The following DLGAP2 variants were observed in gnomAD, a reference collection of about 807,000 sequenced individuals.
DLGAP2 encodes DLG associated protein 2, also known as disks large-associated protein 2.
Under a neutral mutation model 100.3 loss-of-function variants are expected in DLGAP2, and 26 were observed. That is an observed-to-expected ratio of 0.26 (90% CI 0.19 to 0.36). DLGAP2 has a LOEUF of 0.36. Ranked by LOEUF, DLGAP2 falls within the 10% of genes least tolerant of loss-of-function variation. The pLI is 1.00. For synonymous variants in DLGAP2, 886 were observed against 630.1 expected, an observed-to-expected ratio of 1.41 and a Z score of -6.08; for missense variants, 1,858 against 1,453.2, an observed-to-expected ratio of 1.28 and a Z score of -4.53.
At chr8:1,123,581 T>A (rs543370767) in intron 2 of DLGAP2, among the ~76,000 whole-genome samples, 5 of 152,212 alleles carry the variant, frequency 3.3e-5, no homozygotes, top group Non-Finnish European at 7.3e-5. Flanking sequence ...AAGTGATACA[T>A]TATAAACCTG....
intron 5 of DLGAP2, 21 bp downstream of exon 5, chr8:1,549,704 G>A (rs1196705915): frequency 6.6e-7 from 1 of 1,520,386 alleles, no homozygotes; most frequent in Non-Finnish European, 8.8e-7. Flanking sequence ...TCACGGCCCT[G>A]TGGAGGCCGT....
At chr8:893,409 C>T (rs1390865930) in intron 1 of DLGAP2, among the ~76,000 whole-genome samples, 2 of 152,208 alleles carry the variant, frequency 1.3e-5, no homozygotes, top group South Asian at 2.1e-4. Context: ...ACTTACGTGT[C>T]GTATCTAATT....
At chr8:1,495,125 G>A (rs1799506124) in intron 3 of DLGAP2, among the ~76,000 whole-genome samples, 1 of 152,226 alleles carries the variant, frequency 6.6e-6, no homozygotes, top group South Asian at 2.1e-4. Context: ...TCCCTGCCAA[G>A]ATCAGACGGG....
intron 3 of DLGAP2, among the ~76,000 whole-genome samples, chr8:1,325,935 C>T (rs549140657): frequency 6.6e-6 from 1 of 152,266 alleles, no homozygotes; most frequent in African/African-American, 2.4e-5. Flanking sequence ...CAGGTCTAAT[C>T]ATTATCTTCC....
chr8:1,468,416 G>A (rs1798688455), intron 3 of DLGAP2, among the ~76,000 whole-genome samples: 1 of 151,508 alleles, frequency 6.6e-6, no homozygotes, highest in Non-Finnish European at 1.5e-5. Context: ...GTGGATCCGG[G>A]CTGGTCCTGA....
chr8:1,558,841 CCATATACCTGCACACACACATACA>C (rs1802063958), intron 5 of DLGAP2, among the ~76,000 whole-genome samples: 1 of 139,602 alleles, frequency 7.2e-6, no homozygotes, highest in Non-Finnish European at 1.6e-5. Flanking sequence ...GCATGCACAC[CCATATACCTGCACACACACATACA>C]CATATACGTA....
intron 3 of DLGAP2, among the ~76,000 whole-genome samples, chr8:1,412,557 C>G (rs190812590): frequency 6.6e-6 from 1 of 152,232 alleles, no homozygotes; most frequent in Non-Finnish European, 1.5e-5. Context: ...TAAGCCCCAG[C>G]CATTCCAGCT....
chr8:1,171,345 A>G (rs1797123926), intron 2 of DLGAP2, among the ~76,000 whole-genome samples: 1 of 152,206 alleles, frequency 6.6e-6, no homozygotes, highest in African/African-American at 2.4e-5. Flanking sequence ...GGTGCTGAAA[A>G]AAATGTATAT....
At chr8:919,416 G>C (rs1250784553) in intron 2 of DLGAP2, among the ~76,000 whole-genome samples, 3 of 152,158 alleles carry the variant, frequency 2.0e-5, no homozygotes, top group Non-Finnish European at 4.4e-5. Flanking sequence ...CAGCGTGAGT[G>C]GGGAAGGGAA....
intron 2 of DLGAP2, among the ~76,000 whole-genome samples, chr8:912,627 C>G: frequency 6.6e-6 from 1 of 151,894 alleles, no homozygotes; most frequent in Non-Finnish European, 1.5e-5. Context: ...GCCCGCCTTC[C>G]TCTCTGTGGA....
At chr8:1,509,327 C>CTAAAAAA (rs769352573) in intron 4 of DLGAP2, among the ~76,000 whole-genome samples, 41 of 77,500 alleles carry the variant, frequency 5.3e-4, no homozygotes, top group African/African-American at 1.8e-3. Flanking sequence ...AAGACTCCGT[C>CTAAAAAA]CAAAAAAAAA....
At chr8:1,593,741 T>A (rs1183166930) in intron 6 of DLGAP2, among the ~76,000 whole-genome samples, 1 of 152,012 alleles carries the variant, frequency 6.6e-6, no homozygotes, top group African/African-American at 2.4e-5. Context: ...CCTGCTGGAG[T>A]CTGGCCCACT....
At chr8:1,641,340 C>T (rs986733514) in intron 8 of DLGAP2, among the ~76,000 whole-genome samples, 2 of 152,128 alleles carry the variant, frequency 1.3e-5, no homozygotes, top group Non-Finnish European at 2.9e-5. Flanking sequence ...GCCTGCTCTT[C>T]CCTTCAAAAC....
intron 2 of DLGAP2, among the ~76,000 whole-genome samples, chr8:982,221 T>G (rs1800356621): frequency 6.6e-6 from 1 of 152,206 alleles, no homozygotes; most frequent in Non-Finnish European, 1.5e-5. Context: ...ATAATAACAG[T>G]ACCTAACCCA....
At chr8:1,540,042 C>G (rs537165863) in intron 4 of DLGAP2, among the ~76,000 whole-genome samples, 1 of 152,334 alleles carries the variant, frequency 6.6e-6, no homozygotes, top group Non-Finnish European at 1.5e-5. Flanking sequence ...AGGGCCTCCT[C>G]TTGCCTGCTC....
intron 2 of DLGAP2, among the ~76,000 whole-genome samples, chr8:1,237,579 ACCGTGTCTAGTTCTCTCACATGGCG>A (rs1798691110): frequency 1.2e-5 from 1 of 85,912 alleles, no homozygotes; most frequent in African/African-American, 4.9e-5. Context: ...CTCACATGGC[ACCGTGTCTAGTTCTCTCACATGGCG>A]CCGTGTCTAG....
intron 1 of DLGAP2, among the ~76,000 whole-genome samples, chr8:839,584 A>G (rs1280162443): frequency 6.6e-6 from 1 of 152,130 alleles, no homozygotes; most frequent in Non-Finnish European, 1.5e-5. Context: ...GATGGATGGG[A>G]AGAGTCTGGC....
chr8:1,355,062 T>C (rs1328446737), intron 3 of DLGAP2, among the ~76,000 whole-genome samples: 2 of 147,072 alleles, frequency 1.4e-5, no homozygotes, highest in South Asian at 2.2e-4. Context: ...GATGATGCTG[T>C]GGATGAGGGT....
At chr8:1,467,167 G>T (rs1209601086) in intron 3 of DLGAP2, among the ~76,000 whole-genome samples, 1 of 152,106 alleles carries the variant, frequency 6.6e-6, no homozygotes, top group Non-Finnish European at 1.5e-5. Context: ...CCAGAGGGAG[G>T]AGGGGTCCAG....
Sources: gnomAD v4.1 joint callset for allele counts (sites outside exome capture counted in the v4.1 genomes callset) on GRCh38, gnomAD v4.1.1 for gene constraint, MANE v1.5 for transcripts, NCBI Gene and HGNC (gene_info 2026-07-23, HGNC 2026-07-21) for gene names.